SERGEF: variants seen among roughly 807,000 people sequenced by gnomAD.
The protein encoded by SERGEF is secretion regulating guanine nucleotide exchange factor, also known as secretion-regulating guanine nucleotide exchange factor.
A neutral mutation model predicts 50.0 loss-of-function variants in SERGEF; 51 were observed. The ratio of observed to expected loss-of-function variants is 1.02; its 90% CI spans 0.81 to 1.29. SERGEF has a LOEUF of 1.29. Ranked by LOEUF, SERGEF falls within the 50% of genes most tolerant of loss-of-function variation. SERGEF has a pLI of 0.00. For synonymous variants in SERGEF, 205 were observed against 212.4 expected (o/e 0.97, Z 0.30); for missense variants, 521 against 557.0 (o/e 0.94, Z 0.65).
chr11:17,822,085 C>T (rs1850097261), intron 10 of SERGEF, among the ~76,000 whole-genome samples: 1 of 152,156 alleles, frequency 6.6e-6, no homozygotes, highest in Non-Finnish European at 1.5e-5. Context: ...CTGCAGAATC[C>T]TGGGAATGGT....
intron 10 of SERGEF, among the ~76,000 whole-genome samples, chr11:17,826,836 C>T (rs994093391): frequency 6.6e-6 from 1 of 152,164 alleles, no homozygotes; most frequent in Non-Finnish European, 1.5e-5. Context: ...CTCTGGTTTA[C>T]AGGACAATGG....
chr11:17,788,498 T>G, intron 10 of SERGEF, 85 bp from the exon 11 acceptor site: 1 of 1,165,814 alleles, frequency 8.6e-7, no homozygotes. Context: ...GGTATCATCA[T>G]AAACCCCAGT....
chr11:17,945,014 T>C (rs1216283044), intron 9 of SERGEF, among the ~76,000 whole-genome samples: 2 of 152,242 alleles, frequency 1.3e-5, no homozygotes, highest in African/African-American at 4.8e-5. Context: ...AAACTTAGGC[T>C]GGAAATCAGA....
At chr11:18,001,623 C>T (rs72874027) in intron 4 of SERGEF, among the ~76,000 whole-genome samples, 14 of 152,236 alleles carry the variant, frequency 9.2e-5, no homozygotes, top group Admixed American at 2.0e-4. Flanking sequence ...CCTGACTCTC[C>T]GAAACTGTGA....
intron 10 of SERGEF, among the ~76,000 whole-genome samples, chr11:17,850,520 T>C (rs1850692108): frequency 2.6e-5 from 4 of 152,214 alleles, no homozygotes. Flanking sequence ...TGGTGATAAA[T>C]GGACATCCTG....
At chr11:17,826,688 A>G (rs79770730) in intron 10 of SERGEF, among the ~76,000 whole-genome samples, 5,749 of 152,292 alleles carry the variant, frequency 0.038, 379 homozygotes, top group African/African-American at 0.13. Context: ...AATTTATGTC[A>G]TATATATTTT....
At chr11:18,001,690 C>A (rs1191558562) in intron 4 of SERGEF, among the ~76,000 whole-genome samples, 1 of 152,178 alleles carries the variant, frequency 6.6e-6, no homozygotes, top group Non-Finnish European at 1.5e-5. Flanking sequence ...TGTTACACAG[C>A]AATAGATAAC....
intron 9 of SERGEF, among the ~76,000 whole-genome samples, chr11:17,949,851 T>G (rs1852740972): frequency 6.6e-6 from 1 of 152,154 alleles, no homozygotes; most frequent in African/African-American, 2.4e-5. Context: ...GGCATGTTTG[T>G]AAGACTAGGT....
chr11:17,814,960 C>T (rs1251665711), intron 10 of SERGEF, among the ~76,000 whole-genome samples: 1 of 152,132 alleles, frequency 6.6e-6, no homozygotes, highest in Non-Finnish European at 1.5e-5. Context: ...GTGGGAGGAT[C>T]GCTTGAGCCC....
At chr11:17,911,410 CACAT>C (rs1277138596) in intron 9 of SERGEF, among the ~76,000 whole-genome samples, 1 of 148,316 alleles carries the variant, frequency 6.7e-6, no homozygotes, top group Non-Finnish European at 1.5e-5. Context: ...TATACACACA[CACAT>C]ATATTTAATG....
At position 17,861,251 on chromosome 11, in the gene SERGEF, T is replaced by C. The variant is rs2237932; in HGVS notation, c.1048+16957A>G. ...ACAGACATTCTGAGCACCTACTCTG[T>C]GCCAAGAGCTTTTCCATAAACCACA... On this transcript the variant is annotated intron_variant, in intron 10 of 10. Transcript: ENST00000265965. Among the ~76,000 whole-genome samples the C allele has an allele frequency of 0.012, 1,870 of 152,340 alleles. 174 individuals are homozygous for C. In the East Asian group the frequency reaches 0.23, roughly 19 times the overall value.
At chr11:17,928,414 G>A (rs1852289650) in intron 9 of SERGEF, among the ~76,000 whole-genome samples, 2 of 152,164 alleles carry the variant, frequency 1.3e-5, no homozygotes, top group Admixed American at 1.3e-4. Context: ...GGGAGAAGCA[G>A]AGTGGAACCA....
chr11:17,814,958 A>G (rs986155347), intron 10 of SERGEF, among the ~76,000 whole-genome samples: 1 of 152,150 alleles, frequency 6.6e-6, no homozygotes, highest in African/African-American at 2.4e-5. Context: ...AGGTGGGAGG[A>G]TCGCTTGAGC....
chr11:17,970,498 C>G, intron 8 of SERGEF, among the ~76,000 whole-genome samples: 1 of 152,078 alleles, frequency 6.6e-6, no homozygotes, highest in Non-Finnish European at 1.5e-5. Flanking sequence ...TCTAAGTATT[C>G]AAGTGAAAGG....
chr11:18,011,463 G>C (rs1158230347), intron 1 of SERGEF, among the ~76,000 whole-genome samples: 1 of 152,168 alleles, frequency 6.6e-6, no homozygotes, highest in African/African-American at 2.4e-5. Flanking sequence ...AGAGGCCTCG[G>C]GAGAAACCAA....
rs570727205 is a variant in SERGEF, at chr11:17,988,628, C to G, written c.813G>C (p.Trp271Cys). Residue 271 changes from tryptophan to cysteine, a missense_variant, in exon 8 of 11, where the codon TGG (tryptophan) becomes TGC (cysteine). By Grantham distance (215) the Trp-to-Cys change is radical. Transcript: ENST00000265965. The stretch of plus-strand genomic sequence containing the variant: ...GAGCAACCAGGTGTGTCCATCCACT[C>G]CAGATGGCAGTGACCTTTTCATTCT... Reference protein sequence around the residue: ...CFQNEKVTAIWSGWTHLVAQT... With the variant: ...CFQNEKVTAICSGWTHLVAQT... 5.6e-6 allele frequency: 9 copies of G among 1,614,136 alleles called. No homozygotes were observed. In the African/African-American group the frequency reaches 1.1e-4, roughly 19 times the overall value.
At chr11:17,993,855 G>A (rs1049107843) in intron 6 of SERGEF, among the ~76,000 whole-genome samples, 2 of 152,232 alleles carry the variant, frequency 1.3e-5, no homozygotes, top group South Asian at 2.1e-4. Context: ...AGGTGAGAAC[G>A]GGAGGACGAA....
At chr11:17,971,192 T>TA (rs1032365641) in intron 8 of SERGEF, among the ~76,000 whole-genome samples, 3 of 151,314 alleles carry the variant, frequency 2.0e-5, no homozygotes, top group African/African-American at 4.9e-5. Flanking sequence ...AGACTCCATC[T>TA]AAAAAAAAGA....
intron 10 of SERGEF, among the ~76,000 whole-genome samples, chr11:17,873,661 T>TGGAGGAGGAGGAGGAGGA (rs145195114): frequency 2.7e-5 from 4 of 148,142 alleles, no homozygotes; most frequent in East Asian, 2.0e-4. Context: ...TGGCTCTGCT[T>TGGAGGAGGAGGAGGAGGA]GGAGGAGGAG....
Sources: allele counts gnomAD v4.1 joint callset (sites outside exome capture counted in the v4.1 genomes callset), GRCh38; gene constraint gnomAD v4.1.1; transcripts MANE v1.5; gene names NCBI Gene and HGNC (gene_info 2026-07-23, HGNC 2026-07-21).